The following SLAIN1 variants were observed in gnomAD, a reference collection of about 807,000 sequenced individuals.
The protein encoded by SLAIN1 is SLAIN motif-containing protein 1.
A neutral mutation model predicts 55.4 loss-of-function variants in SLAIN1; 17 were observed. The ratio of observed to expected loss-of-function variants is 0.31; its 90% CI spans 0.21 to 0.46. The LOEUF (loss-of-function observed/expected upper bound fraction) is 0.46. Ranked by LOEUF, SLAIN1 falls within the 20% of genes least tolerant of loss-of-function variation. The pLI, the probability that SLAIN1 is intolerant of heterozygous loss-of-function variation, is 1.00. For synonymous variants in SLAIN1, 348 were observed against 337.4 expected, an observed-to-expected ratio of 1.03 and a Z score of -0.35; for missense variants, 682 against 785.1, an observed-to-expected ratio of 0.87 and a Z score of 1.57.
At chr13:77,753,578 T>C (rs1409242196) in intron 5 of SLAIN1, among the ~76,000 whole-genome samples, 1 of 152,148 alleles carries the variant, frequency 6.6e-6, no homozygotes, top group Non-Finnish European at 1.5e-5. Flanking sequence ...TACCAGTGCC[T>C]GTGGTATAAA....
At chr13:77,708,383 C>G (rs1329973479) in intron 1 of SLAIN1, among the ~76,000 whole-genome samples, 2 of 152,168 alleles carry the variant, frequency 1.3e-5, no homozygotes, top group Non-Finnish European at 2.9e-5. Context: ...CTGGAGGTAA[C>G]AGGCAGAGCC....
chr13:77,699,391 G>A (rs1317420437), intron 1 of SLAIN1, among the ~76,000 whole-genome samples: 1 of 152,178 alleles, frequency 6.6e-6, no homozygotes, highest in African/African-American at 2.4e-5. Flanking sequence ...GAGGCTGACA[G>A]CATTTATTCA....
intron 1 of SLAIN1, 115 bp from the exon 2 acceptor site, chr13:77,719,417 C>A: frequency 3.1e-6 from 2 of 644,970 alleles, no homozygotes; most frequent in Non-Finnish European, 4.9e-6. Flanking sequence ...ACTTTGAAGT[C>A]ATCAAATATG....
intron 2 of SLAIN1, among the ~76,000 whole-genome samples, chr13:77,724,130 T>C (rs2091286997): frequency 6.6e-6 from 1 of 152,150 alleles, no homozygotes; most frequent in African/African-American, 2.4e-5. Flanking sequence ...TATTTGTGTT[T>C]GTAAAATCTA....
rs1274201122 is a variant in SLAIN1 at position 77,753,252 on chromosome 13, T to G, written c.1308T>G (p.Thr436=). ...MPNLARMPST[T]AISSNISSPV... ...ACCTAGCCCGGATGCCAAGTACAAC[T>G]GCCATTAGTAGCAACATTAGTTCTC... is the stretch of plus-strand genomic sequence containing the variant. The change falls in exon 5 of 7, where the codon ACT becomes ACG. Residue 436 remains threonine, a synonymous_variant. Coordinates refer to ENST00000418532, the MANE Select transcript of SLAIN1 (RefSeq NM_001242868.2). The G allele has an allele frequency of 1.2e-6, 2 of 1,612,958 alleles. No individual in the cohort carries two copies. The highest frequency in any genetic ancestry group is 1.7e-6 in the Non-Finnish European group (2 of 1,179,556).
chr13:77,745,611 C>T (rs1414151463), intron 3 of SLAIN1, among the ~76,000 whole-genome samples: 3 of 151,980 alleles, frequency 2.0e-5, no homozygotes, highest in Non-Finnish European at 2.9e-5. Context: ...TTATCTTTTC[C>T]ACCAACATAA....
intron 1 of SLAIN1, among the ~76,000 whole-genome samples, chr13:77,707,198 C>T (rs1390952621): frequency 1.3e-5 from 2 of 151,654 alleles, no homozygotes; most frequent in Non-Finnish European, 2.9e-5. Flanking sequence ...ATTTTCTTAT[C>T]TGTCTTATCC....
At chr13:77,736,673 C>T (rs896616383) in intron 2 of SLAIN1, among the ~76,000 whole-genome samples, 12 of 152,150 alleles carry the variant, frequency 7.9e-5, no homozygotes, top group African/African-American at 2.9e-4. Context: ...AATCTGCTCT[C>T]ATCAGTGGCC....
At chr13:77,751,117 A>T (rs916651234) in intron 4 of SLAIN1, among the ~76,000 whole-genome samples, 7 of 152,014 alleles carry the variant, frequency 4.6e-5, no homozygotes, top group Non-Finnish European at 8.8e-5. Context: ...GTATATCATT[A>T]TTTTCTGGTT....
intron 2 of SLAIN1, among the ~76,000 whole-genome samples, chr13:77,726,496 G>A (rs914232729): frequency 9.2e-5 from 14 of 151,794 alleles, no homozygotes; most frequent in African/African-American, 2.7e-4. Context: ...ACGCAACCAC[G>A]GCTCACTGCA....
intron 2 of SLAIN1, among the ~76,000 whole-genome samples, chr13:77,735,393 C>G (rs1873070216): frequency 6.6e-6 from 1 of 152,070 alleles, no homozygotes; most frequent in South Asian, 2.1e-4. Context: ...ACTGCTGTGT[C>G]TCAACACCTG....
intron 3 of SLAIN1, among the ~76,000 whole-genome samples, chr13:77,745,220 A>G (rs1414890231): frequency 6.6e-6 from 1 of 151,730 alleles, no homozygotes; most frequent in South Asian, 2.1e-4. Flanking sequence ...TACTCTCTCT[A>G]TCTCTTTCTG....
chr13:77,704,126 ATATG>A (rs2091064405), intron 1 of SLAIN1, among the ~76,000 whole-genome samples: 2 of 130,152 alleles, frequency 1.5e-5, no homozygotes, highest in African/African-American at 5.8e-5. Context: ...ATATATATAC[ATATG>A]TTTTATATGT....
intron 2 of SLAIN1, among the ~76,000 whole-genome samples, chr13:77,734,005 G>T (rs1279397190): frequency 6.6e-6 from 1 of 152,178 alleles, no homozygotes. Flanking sequence ...GTTTATGAGA[G>T]TGAACCAGTA....
At chr13:77,712,541 T>C (rs1253471942) in intron 1 of SLAIN1, among the ~76,000 whole-genome samples, 1 of 152,168 alleles carries the variant, frequency 6.6e-6, no homozygotes, top group East Asian at 1.9e-4. Flanking sequence ...TACAAACCAG[T>C]GCTCAAGGAA....
intron 1 of SLAIN1, among the ~76,000 whole-genome samples, chr13:77,719,129 A>C (rs1282255802): frequency 1.3e-5 from 2 of 152,130 alleles, no homozygotes; most frequent in East Asian, 1.9e-4. Flanking sequence ...TTGTCACATC[A>C]TGTTTACCTT....
rs764341266 is a variant in SLAIN1 at position 77,761,032 on chromosome 13, G to A, written c.1619G>A (p.Arg540His). ...NKAAASGIMG[R>H]SALPRPSLAI... Reference sequence around the variant, plus strand: ...GCTGCAGCTTCTGGGATAATGGGTCGCAGTGCACTCCCAAGACCTTCGTTG... The same window carrying A: ...GCTGCAGCTTCTGGGATAATGGGTCACAGTGCACTCCCAAGACCTTCGTTG... Residue 540 changes from arginine (R) to histidine (H), a missense_variant, in exon 6 of 7, where the codon CGC becomes CAC. Around this residue, in one of 3 missense-constraint regions of SLAIN1, gnomAD observed 244 missense variants for 295.2 expected, o/e 0.83. Coordinates refer to ENST00000418532, the MANE Select transcript of SLAIN1 (RefSeq NM_001242868.2). 1.1e-5 allele frequency: 17 copies of A among 1,614,036 alleles called. No individual in the cohort carries two copies. Among genetic ancestry groups the A allele is most frequent in the South Asian group, 6.6e-5 (6 of 91,090 alleles).
intron 2 of SLAIN1, among the ~76,000 whole-genome samples, chr13:77,732,167 G>T (rs1334196511): frequency 6.6e-6 from 1 of 152,074 alleles, no homozygotes; most frequent in Non-Finnish European, 1.5e-5. Context: ...TTTAGTATCA[G>T]AGACACTGGG....
At chr13:77,703,017 C>T (rs1477145990) in intron 1 of SLAIN1, among the ~76,000 whole-genome samples, 2 of 152,088 alleles carry the variant, frequency 1.3e-5, no homozygotes, top group Non-Finnish European at 2.9e-5. Flanking sequence ...GAAGTTAGGT[C>T]TTGCACACCT....
Sources: allele counts gnomAD v4.1 joint callset (sites outside exome capture counted in the v4.1 genomes callset), GRCh38; gene constraint gnomAD v4.1.1; regional missense constraint gnomAD v4.1.1; transcripts MANE v1.5; gene names NCBI Gene and HGNC (gene_info 2026-07-23, HGNC 2026-07-21).